SETD2: variants seen among roughly 807,000 people sequenced by gnomAD.
The protein encoded by SETD2 is histone-lysine N-methyltransferase SETD2.
In SETD2, 31 loss-of-function variants were observed where a neutral mutation model predicts 242.1. The ratio of observed to expected loss-of-function variants is 0.13; its 90% confidence interval spans 0.10 to 0.17. The LOEUF is 0.17. Ranked by LOEUF, SETD2 falls within the 10% of genes least tolerant of loss-of-function variation. SETD2 has a pLI of 1.00. For synonymous variants in SETD2, 1,006 were observed against 1,066.5 expected (o/e 0.94, Z 1.11); for missense variants, 2,481 against 3,046.3 (o/e 0.81, Z 4.37).
chr3:47,138,465 A>G (rs1424626427), intron 1 of SETD2, among the ~76,000 whole-genome samples: 1 of 151,932 alleles, frequency 6.6e-6, no homozygotes, highest in Admixed American at 6.6e-5. Flanking sequence ...CTTGTTGCCC[A>G]GGCTGAAGTG....
chr3:47,159,093 T>C (rs1010302785), intron 1 of SETD2, among the ~76,000 whole-genome samples: 1 of 152,058 alleles, frequency 6.6e-6, no homozygotes, highest in African/African-American at 2.4e-5. Context: ...CTGGGGAAAA[T>C]GTAAGATTCC....
Position 47,103,397 on chromosome 3 carries a change from A to G in SETD2, c.4866T>C (p.Asn1622=), listed in dbSNP as rs1559722618. ...DEIIDATQKG[N]CSRFMNHSCE... ...AGCTGTGATTCATGAAACGAGAGCA[A>G]TTTCCTTTTTGAGTGGCATCTATTA... is the stretch of plus-strand genomic sequence containing the variant. Residue 1622 remains asparagine (N), a synonymous_variant, in exon 7 of 21, where the codon AAT becomes AAC. Coordinates refer to ENST00000409792, the MANE Select transcript of SETD2 (RefSeq NM_014159.7). 6.2e-7 allele frequency: 1 copy of G among 1,613,056 alleles called. No individual in the cohort carries two copies. Among genetic ancestry groups the G allele is most frequent in the Admixed American group, 1.7e-5 (1 of 60,014 alleles).
At chr3:47,147,718 G>C (rs535489670) in intron 1 of SETD2, among the ~76,000 whole-genome samples, 1 of 151,556 alleles carries the variant, frequency 6.6e-6, no homozygotes, top group African/African-American at 2.4e-5. Context: ...TCAGGAGATC[G>C]AGACCATCCT....
chr3:47,042,800 C>T (rs2107540696), intron 16 of SETD2, 100 bp from the exon 17 acceptor site: 3 of 1,042,458 alleles, frequency 2.9e-6, no homozygotes, highest in Non-Finnish European at 4.2e-6. Context: ...TGTACATCTA[C>T]CTCCTCTTAA....
At chr3:47,109,416 T>C (rs2042565392) in intron 5 of SETD2, among the ~76,000 whole-genome samples, 1 of 151,742 alleles carries the variant, frequency 6.6e-6, no homozygotes, top group Admixed American at 6.6e-5. Flanking sequence ...AAAGCCAAGG[T>C]GAGAGGATCA....
intron 17 of SETD2, among the ~76,000 whole-genome samples, chr3:47,040,710 A>C (rs975181230): frequency 1.3e-4 from 19 of 150,484 alleles, no homozygotes; most frequent in Non-Finnish European, 2.2e-4. Context: ...ACTAGTTGTG[A>C]CTACAGGTGC....
chr3:47,048,991 AT>A (rs984291046), intron 15 of SETD2, among the ~76,000 whole-genome samples: 1 of 151,276 alleles, frequency 6.6e-6, no homozygotes, highest in Admixed American at 6.6e-5. Flanking sequence ...AAAGAGTCTC[AT>A]TCTGTCACCC....
rs770500112 is a variant in SETD2, at chr3:47,056,834, G to A, written c.6950C>T (p.Pro2317Leu). Residue 2317 changes from proline to leucine, a missense_variant, in exon 15 of 21, where the codon CCA becomes CTA. Coordinates refer to ENST00000409792, the MANE Select transcript of SETD2 (RefSeq NM_014159.7). ...GVTSPYSQTTPPIVQSYAQPS... is the reference protein window; with the variant it reads ...GVTSPYSQTTLPIVQSYAQPS... ...AGAATTAGTTACCTGTACAATTGGTGGAGTTGTCTGTGAATAAGGTGATGT... is the reference window on the plus strand; with the variant it reads ...AGAATTAGTTACCTGTACAATTGGTAGAGTTGTCTGTGAATAAGGTGATGT... 5.0e-6 allele frequency: 8 copies of A among 1,612,580 alleles called. No individual in the cohort carries two copies. The highest frequency in any genetic ancestry group is 2.2e-5 in the East Asian group (1 of 44,850).
intron 13 of SETD2, 30 bp from the exon 14 acceptor site, chr3:47,062,376 T>G (rs749718726): frequency 4.2e-5 from 66 of 1,554,734 alleles, no homozygotes; most frequent in Middle Eastern, 1.7e-4. Context: ...TGTTTGTTTT[T>G]TTTTTTTTTA....
At chr3:47,075,551 C>A (rs1194671599) in intron 12 of SETD2, among the ~76,000 whole-genome samples, 9 of 31,518 alleles carry the variant, frequency 2.9e-4, no homozygotes, top group African/African-American at 1.2e-3. Flanking sequence ...GCAACAAAAT[C>A]AAAACTCCGT....
chr3:47,018,056 C>G (rs1377807081), intron 19 of SETD2, among the ~76,000 whole-genome samples: 3 of 152,122 alleles, frequency 2.0e-5, no homozygotes, highest in African/African-American at 7.2e-5. Flanking sequence ...AATTTTGTGT[C>G]CTTGGCATAA....
intron 1 of SETD2, chr3:47,127,565 T>C (rs1297419770): frequency 4.2e-5 from 19 of 452,406 alleles, no homozygotes; most frequent in Non-Finnish European, 6.2e-5. Context: ...TCATCTCTCT[T>C]AAAAATAATT....
intron 1 of SETD2, among the ~76,000 whole-genome samples, chr3:47,137,573 G>C (rs1335928684): frequency 6.6e-6 from 1 of 152,032 alleles, no homozygotes; most frequent in Non-Finnish European, 1.5e-5. Context: ...CCTCCCACTA[G>C]CATACAAGCT....
intron 1 of SETD2, among the ~76,000 whole-genome samples, chr3:47,156,826 A>G (rs145279192): frequency 4.6e-5 from 7 of 152,306 alleles, no homozygotes; most frequent in African/African-American, 9.6e-5. Flanking sequence ...AGGTATCTCT[A>G]TCTTCTCCAT....
intron 1 of SETD2, among the ~76,000 whole-genome samples, chr3:47,148,304 T>A (rs1433379192): frequency 1.3e-5 from 2 of 152,068 alleles, no homozygotes; most frequent in Non-Finnish European, 2.9e-5. Flanking sequence ...CTAATTTTTG[T>A]ATTTTTAGTA....
In SETD2 at chr3:47,150,153, C is replaced by T. The variant is rs368913679; in HGVS notation, c.71+13701G>A. On this transcript the variant is annotated intron_variant, in intron 1 of 20. Coordinates refer to ENST00000409792, the MANE Select transcript of SETD2 (RefSeq NM_014159.7). The stretch of plus-strand genomic sequence containing the variant: ...CAAGCAATTCCCCTGCCTCAGCCTC[C>T]TGAGTAGCTGGGACTCCAGGCACCT... Among the ~76,000 whole-genome samples, 390 of 151,528 alleles carry T rather than the reference C, an allele frequency of 2.6e-3. 2 individuals are homozygous for T. Among genetic ancestry groups the T allele is most frequent in the African/African-American group, 9.1e-3 (377 of 41,318 alleles).
chr3:47,080,784 T>G (rs931427887), intron 12 of SETD2: 2 of 985,676 alleles, frequency 2.0e-6, no homozygotes, highest in African/African-American at 3.5e-5. Context: ...TATATAGGTA[T>G]AGAAAAAGTA....
chr3:47,093,020 A>G (rs933322243), intron 9 of SETD2, among the ~76,000 whole-genome samples: 1 of 152,148 alleles, frequency 6.6e-6, no homozygotes, highest in African/African-American at 2.4e-5. Context: ...ATGGAAGCTA[A>G]CTTTATTAGA....
In SETD2 at chr3:47,121,787, C is replaced by T. The variant is rs149265978; in HGVS notation, c.2849G>A (p.Arg950His). 2.2e-5 allele frequency: 35 copies of T among 1,614,110 alleles called. No individual in the cohort carries two copies. The highest frequency in any genetic ancestry group is 1.6e-4 in the Middle Eastern group (1 of 6,062). Residue 950 changes from arginine to histidine, a missense_variant, in exon 3 of 21, where the codon CGT becomes CAT. By Grantham distance (29) the Arg-to-His change is conservative. Transcript: ENST00000409792. ...ACATTTCCCAGATAACCCATTATTA[C>T]GCCTGTTCTCCCTGGAAGCAAATCC... ...GKGFASRENRRNNGLSGKCLQ... is the reference protein window; with the variant it reads ...GKGFASRENRHNNGLSGKCLQ...
Sources: allele counts gnomAD v4.1 joint callset (sites outside exome capture counted in the v4.1 genomes callset), GRCh38; gene constraint gnomAD v4.1.1; transcripts MANE v1.5; gene names NCBI Gene and HGNC (gene_info 2026-07-23, HGNC 2026-07-21).